The following CNIH3 variants were observed in gnomAD, a reference collection of about 807,000 sequenced individuals.
CNIH3 encodes cornichon family AMPA receptor auxiliary protein 3, also known as protein cornichon homolog 3.
CNIH3 carries 14 observed loss-of-function variants against 24.1 expected under a neutral mutation model. The observed-to-expected ratio is 0.58, with a 90% CI of 0.38 to 0.91. The LOEUF is 0.91. CNIH3 is among the 40% of genes least tolerant of loss of function. The probability of loss-of-function intolerance (pLI) is 0.00; values close to 1 mark genes in which losing one functional copy is unlikely to be tolerated. For missense variants in CNIH3, 178 were observed against 196.8 expected (o/e 0.90, Z 0.57); for synonymous variants, 68 against 73.8 (o/e 0.92, Z 0.40).
In CNIH3 at chr1:224,670,100, A is replaced by G. The variant is rs558106195; in HGVS notation, c.82-10858A>G. ...CCATGACCTGGAGGAGTGAAGTGAC[A>G]AGCTCCAGGTCACAGAGCTGGGAAC... On this transcript the variant is annotated intron_variant, in intron 1 of 5. Transcript: ENST00000272133. Among the ~76,000 whole-genome samples, 12 of 152,270 alleles carry G rather than the reference A, an allele frequency of 7.9e-5. No homozygotes were observed. The South Asian group carries it at 2.3e-3, about 29-fold the overall frequency.
chr1:224,538,707 C>T (rs553113738), downstream of CNIH3, among the ~76,000 whole-genome samples: 17 of 151,176 alleles, frequency 1.1e-4, no homozygotes, highest in Non-Finnish European at 2.1e-4. Context: ...TTGCCCAGCC[C>T]GGAATGTAGT....
intron 1 of CNIH3, among the ~76,000 whole-genome samples, chr1:224,504,971 G>A (rs1373292326): frequency 6.8e-6 from 1 of 146,894 alleles, no homozygotes; most frequent in Non-Finnish European, 1.5e-5. Flanking sequence ...TGACTTGAGT[G>A]TAAGCTCTTT....
intron 3 of CNIH3, among the ~76,000 whole-genome samples, chr1:224,548,123 T>C (rs1572454194): frequency 6.6e-6 from 1 of 152,168 alleles, no homozygotes; most frequent in East Asian, 1.9e-4. Context: ...AAGGGAGATA[T>C]TATTCCTAAT....
At chr1:224,642,253 T>C (rs1327488827) in intron 1 of CNIH3, among the ~76,000 whole-genome samples, 1 of 152,012 alleles carries the variant, frequency 6.6e-6, no homozygotes, top group Non-Finnish European at 1.5e-5. Flanking sequence ...TCCTTGAGGG[T>C]AGGGTCTTGC....
chr1:224,442,748 A>G (rs1224553837), intron 1 of CNIH3, among the ~76,000 whole-genome samples: 2 of 152,232 alleles, frequency 1.3e-5, no homozygotes, highest in South Asian at 2.1e-4. Context: ...ACTTGAGGTC[A>G]TATAGCTGGT....
intron 1 of CNIH3, among the ~76,000 whole-genome samples, 177 bp downstream of exon 1, chr1:224,617,432 C>A (rs1308568085): frequency 6.6e-6 from 1 of 152,204 alleles, no homozygotes; most frequent in African/African-American, 2.4e-5. Flanking sequence ...GCCTTCGGTG[C>A]CCTGGCTGGA....
At chr1:224,613,264 G>A (rs1451206952), upstream of CNIH3, among the ~76,000 whole-genome samples, 2 of 152,192 alleles carry the variant, frequency 1.3e-5, no homozygotes, top group Non-Finnish European at 2.9e-5. Flanking sequence ...GCCTCCCAAA[G>A]TGCTGAGATT....
At chr1:224,558,713 G>C (rs1237110893) in intron 3 of CNIH3, among the ~76,000 whole-genome samples, 2 of 152,176 alleles carry the variant, frequency 1.3e-5, no homozygotes, top group Admixed American at 6.5e-5. Context: ...TTGCAAAGGG[G>C]CACATGCACT....
intron 3 of CNIH3, chr1:224,565,567 C>T (rs1197543380): frequency 6.6e-6 from 1 of 152,568 alleles, no homozygotes; most frequent in Admixed American, 6.5e-5. Flanking sequence ...CTGAGCCCTA[C>T]GCTTGCTGTT....
intron 1 of CNIH3, among the ~76,000 whole-genome samples, chr1:224,680,576 A>T (rs1686351145): frequency 6.6e-6 from 1 of 152,180 alleles, no homozygotes; most frequent in African/African-American, 2.4e-5. Context: ...TTTCTGCCCA[A>T]ATACACACAA....
intron 1 of CNIH3, among the ~76,000 whole-genome samples, chr1:224,468,119 T>C (rs1356422122): frequency 6.6e-6 from 1 of 152,200 alleles, no homozygotes; most frequent in African/African-American, 2.4e-5. Context: ...TAACATTGGG[T>C]AGAATGATTC....
intron 1 of CNIH3, among the ~76,000 whole-genome samples, chr1:224,470,105 G>T (rs1262027542): frequency 1.3e-5 from 2 of 150,786 alleles, no homozygotes; most frequent in African/African-American, 4.9e-5. Context: ...TGCAAGCTCT[G>T]CTTCCCGGGT....
intron 2 of CNIH3, among the ~76,000 whole-genome samples, chr1:224,535,085 G>T (rs930848201): frequency 5.9e-5 from 9 of 152,214 alleles, no homozygotes; most frequent in Non-Finnish European, 2.9e-5. Context: ...CAGCAACTCA[G>T]ATGGGATGTT....
chr1:224,492,576 T>G (rs1315041545), intron 1 of CNIH3, among the ~76,000 whole-genome samples: 1 of 152,250 alleles, frequency 6.6e-6, no homozygotes, highest in African/African-American at 2.4e-5. Flanking sequence ...TATTAATATA[T>G]TCTACATAAT....
In CNIH3 at chr1:224,598,692, T is replaced by C. The variant is rs144557822; in HGVS notation, n.402+32428T>C. Among the ~76,000 whole-genome samples the C allele has an allele frequency of 4.1e-3, 626 of 152,322 alleles. 4 individuals are homozygous for C. Among genetic ancestry groups the C allele is most frequent in the African/African-American group, 0.014 (596 of 41,590 alleles). ...AGCCATCAACATGCAGGCAAGACCC[T>C]CCACCAGCAAAAAGATTAAGACTTG... is the stretch of plus-strand genomic sequence containing the variant. On this transcript the variant is annotated intron_variant and non_coding_transcript_variant, in intron 3 of 7. Coordinates refer to the CNIH3 transcript ENST00000478120.
intron 2 of CNIH3, among the ~76,000 whole-genome samples, chr1:224,530,837 A>G (rs1679036390): frequency 6.6e-6 from 1 of 152,098 alleles, no homozygotes; most frequent in Non-Finnish European, 1.5e-5. Flanking sequence ...TGACCTTGTG[A>G]TACACCTGCC....
At chr1:224,673,997 T>C (rs962128525) in intron 1 of CNIH3, among the ~76,000 whole-genome samples, 5 of 152,206 alleles carry the variant, frequency 3.3e-5, no homozygotes, top group African/African-American at 4.8e-5. Flanking sequence ...TGGGTCTTGG[T>C]CTCCTGAACT....
chr1:224,519,808 C>T (rs934431239), intron 1 of CNIH3, among the ~76,000 whole-genome samples: 12 of 151,692 alleles, frequency 7.9e-5, no homozygotes, highest in East Asian at 3.9e-4. Flanking sequence ...TTGACTAACA[C>T]GGTAGCTACT....
intron 1 of CNIH3, among the ~76,000 whole-genome samples, chr1:224,455,363 C>T (rs1006119746): frequency 3.9e-5 from 6 of 152,278 alleles, no homozygotes; most frequent in Admixed American, 1.3e-4. Context: ...TCTCACCACC[C>T]CATCCTCAGG....
Sources: allele counts gnomAD v4.1 joint callset (sites outside exome capture counted in the v4.1 genomes callset), GRCh38; gene constraint gnomAD v4.1.1; transcripts MANE v1.5; gene names NCBI Gene and HGNC (gene_info 2026-07-23, HGNC 2026-07-21).